ADK: variants seen among roughly 807,000 people sequenced by gnomAD.
ADK encodes the protein adenosine kinase, also known as N6,N6-dimethyladenosine kinase.
Under a neutral mutation model 44.7 loss-of-function variants are expected in ADK, and 24 were observed. The observed-to-expected ratio is 0.54, with a 90% CI of 0.39 to 0.76. The LOEUF is 0.76. Among genes scored for constraint, ADK ranks in the 30% least tolerant of loss-of-function variants. ADK has a pLI of 0.00. For missense variants in ADK, 321 were observed against 425.1 expected, an observed-to-expected ratio of 0.76 and a Z score of 2.15; for synonymous variants, 128 against 142.6, an observed-to-expected ratio of 0.90 and a Z score of 0.73.
rs1465668185 is a variant in ADK at position 74,158,003 on chromosome 10, AAG to A, written c.65+6662_65+6663del. ...GCTGAGAATTTACCAAAATTTAAGAAAGACCAGTTCTCAGCTTGAAAGGGCAT... is the reference window on the plus strand; with the variant it reads ...GCTGAGAATTTACCAAAATTTAAGAAACCAGTTCTCAGCTTGAAAGGGCAT... On this transcript the variant is annotated intron_variant, in intron 1 of 10. Coordinates refer to ENST00000539909, the MANE Select transcript of ADK (RefSeq NM_006721.4). Among the ~76,000 whole-genome samples the A allele has an allele frequency of 3.3e-5, 5 of 152,186 alleles. No homozygotes were observed. The East Asian group carries it at 9.6e-4, about 29-fold the overall frequency.
At chr10:74,337,056 A>G (rs1359398254) in intron 4 of ADK, among the ~76,000 whole-genome samples, 2 of 152,112 alleles carry the variant, frequency 1.3e-5, no homozygotes, top group African/African-American at 4.8e-5. Context: ...TTTATTTTTA[A>G]TGAGAGTTAT....
intron 10 of ADK, among the ~76,000 whole-genome samples, chr10:74,671,652 C>T (rs1855192445): frequency 6.6e-6 from 1 of 152,074 alleles, no homozygotes; most frequent in Non-Finnish European, 1.5e-5. Context: ...TGAATTTAAC[C>T]ATATTCTGTA....
At chr10:74,389,473 C>T (rs965912501) in intron 4 of ADK, among the ~76,000 whole-genome samples, 1 of 152,008 alleles carries the variant, frequency 6.6e-6, no homozygotes, top group African/African-American at 2.4e-5. Flanking sequence ...TTGCAAATTA[C>T]TTGTTAAATT....
intron 1 of ADK, among the ~76,000 whole-genome samples, chr10:74,187,782 C>A (rs1479844820): frequency 6.6e-6 from 1 of 152,030 alleles, no homozygotes; most frequent in African/African-American, 2.4e-5. Context: ...TTAAACTACT[C>A]TTTTGCTATC....
At chr10:74,185,392 A>G (rs1842709324) in intron 1 of ADK, among the ~76,000 whole-genome samples, 1 of 152,170 alleles carries the variant, frequency 6.6e-6, no homozygotes, top group Admixed American at 6.6e-5. Context: ...TGCTTGACAG[A>G]AGGAAGAAAT....
intron 7 of ADK, among the ~76,000 whole-genome samples, chr10:74,554,043 T>C (rs906096330): frequency 6.6e-6 from 1 of 152,208 alleles, no homozygotes; most frequent in African/African-American, 2.4e-5. Context: ...AGAAGGTGAA[T>C]CTTTTGCCTT....
At chr10:74,263,786 C>T (rs761309814) in intron 3 of ADK, among the ~76,000 whole-genome samples, 11 of 152,154 alleles carry the variant, frequency 7.2e-5, no homozygotes, top group Admixed American at 4.6e-4. Flanking sequence ...TCCTTCGGCT[C>T]GCTTTTTCGT....
intron 7 of ADK, among the ~76,000 whole-genome samples, chr10:74,547,866 C>T (rs560748661): frequency 6.6e-6 from 1 of 152,190 alleles, no homozygotes; most frequent in Non-Finnish European, 1.5e-5. Flanking sequence ...CCATGTTAGT[C>T]AGGCTGGTCT....
intron 2 of ADK, among the ~76,000 whole-genome samples, chr10:74,220,311 C>T (rs888104102): frequency 2.0e-5 from 3 of 152,188 alleles, no homozygotes; most frequent in African/African-American, 7.2e-5. Flanking sequence ...CCTCCCAAGA[C>T]TAAACCAGGA....
chr10:74,263,632 T>G (rs1846119815), intron 3 of ADK, among the ~76,000 whole-genome samples: 2 of 152,198 alleles, frequency 1.3e-5, no homozygotes, highest in African/African-American at 4.8e-5. Flanking sequence ...CAGCCCATTT[T>G]CTGTCTTATT....
intron 4 of ADK, among the ~76,000 whole-genome samples, chr10:74,356,163 C>T (rs957374775): frequency 3.3e-5 from 5 of 150,190 alleles, no homozygotes; most frequent in South Asian, 4.2e-4. Flanking sequence ...GGACTACAGG[C>T]GCCCGCCACC....
At chr10:74,380,988 T>TTGA in intron 4 of ADK, among the ~76,000 whole-genome samples, 1 of 152,180 alleles carries the variant, frequency 6.6e-6, no homozygotes, top group Non-Finnish European at 1.5e-5. Flanking sequence ...TCAAGTTTAC[T>TTGA]ACTGTAAGTG....
chr10:74,300,287 C>CTTCCTTCCTTCT (rs1839971859), intron 3 of ADK, among the ~76,000 whole-genome samples: 1 of 82,576 alleles, frequency 1.2e-5, no homozygotes, highest in Non-Finnish European at 2.4e-5. Context: ...TCCTTCCTTC[C>CTTCCTTCCTTCT]TTCCTTCCTT....
chr10:74,214,701 A>G (rs1320770277), intron 2 of ADK, among the ~76,000 whole-genome samples: 4 of 152,228 alleles, frequency 2.6e-5, no homozygotes, highest in Non-Finnish European at 5.9e-5. Flanking sequence ...CAGTCTCATT[A>G]AAAGGCTCTT....
chr10:74,340,983 TAACTC>T (rs1401289435), intron 4 of ADK, among the ~76,000 whole-genome samples: 4 of 152,196 alleles, frequency 2.6e-5, no homozygotes, highest in South Asian at 2.1e-4. Context: ...ATTTCAATAT[TAACTC>T]TATTCATTAG....
At chr10:74,584,568 A>G (rs1168311228) in intron 7 of ADK, among the ~76,000 whole-genome samples, 1 of 152,180 alleles carries the variant, frequency 6.6e-6, no homozygotes, top group Non-Finnish European at 1.5e-5. Context: ...TATTATACAG[A>G]GATTTTTATA....
At position 74,649,604 on chromosome 10, in the gene ADK, G is replaced by A. The variant is rs547829417; in HGVS notation, c.878-20579G>A. 1.7e-4 allele frequency among the ~76,000 whole-genome samples: 26 copies of A among 151,312 alleles called. No homozygotes were observed. The South Asian group carries it at 5.4e-3, about 32-fold the overall frequency. Reference sequence around the variant, plus strand: ...TGCACCACTGTACTCCAACCTGGGCGACAGAGTGAGACTCTATATCAAAAA... The same window carrying A: ...TGCACCACTGTACTCCAACCTGGGCAACAGAGTGAGACTCTATATCAAAAA... On this transcript the variant is annotated intron_variant, in intron 9 of 10. Transcript: ENST00000539909.
At chr10:74,338,886 G>C (rs1449925193) in intron 4 of ADK, among the ~76,000 whole-genome samples, 1 of 152,124 alleles carries the variant, frequency 6.6e-6, no homozygotes, top group East Asian at 1.9e-4. Flanking sequence ...CAGCTGATAA[G>C]ATTTTATAGA....
At chr10:74,369,683 A>G (rs1842599595) in intron 4 of ADK, among the ~76,000 whole-genome samples, 1 of 151,846 alleles carries the variant, frequency 6.6e-6, no homozygotes, top group East Asian at 1.9e-4. Context: ...TGGTAATATT[A>G]TATTTACTGG....
Sources: gnomAD v4.1 joint callset for allele counts (sites outside exome capture counted in the v4.1 genomes callset) on GRCh38, gnomAD v4.1.1 for gene constraint, MANE v1.5 for transcripts, NCBI Gene and HGNC (gene_info 2026-07-23, HGNC 2026-07-21) for gene names.